PCDH15: variants seen among roughly 807,000 people sequenced by gnomAD.
PCDH15 encodes protocadherin-15.
A neutral mutation model predicts 178.5 loss-of-function variants in PCDH15; 129 were observed. That is an observed-to-expected ratio of 0.72 (90% CI 0.63 to 0.84). PCDH15 has a LOEUF of 0.84. Ranked by LOEUF, PCDH15 falls within the 40% of genes least tolerant of loss-of-function variation. PCDH15 has a pLI of 0.00. For synonymous variants in PCDH15, 800 were observed against 732.0 expected (o/e 1.09, Z -1.50); for missense variants, 2,230 against 2,099.9 (o/e 1.06, Z -1.21).
At chr10:54,607,288 T>C (rs2092784237) in intron 2 of PCDH15, among the ~76,000 whole-genome samples, 1 of 152,064 alleles carries the variant, frequency 6.6e-6, no homozygotes, top group Admixed American at 6.6e-5. Context: ...TTATGTGCAA[T>C]AAATGTGGTA....
At chr10:54,967,552 G>A (rs975318411) in intron 2 of PCDH15, among the ~76,000 whole-genome samples, 1 of 152,076 alleles carries the variant, frequency 6.6e-6, no homozygotes, top group African/African-American at 2.4e-5. Flanking sequence ...TTACACTTGT[G>A]TAGAAATATC....
chr10:54,427,318 G>T (rs190836697), intron 3 of PCDH15, among the ~76,000 whole-genome samples: 940 of 92,038 alleles, frequency 0.01, 8 homozygotes, highest in Middle Eastern at 0.059. Flanking sequence ...CGCTCTTGTT[G>T]CCCAGGCTGG....
At chr10:54,390,383 C>G (rs1950408654) in intron 3 of PCDH15, among the ~76,000 whole-genome samples, 1 of 152,098 alleles carries the variant, frequency 6.6e-6, no homozygotes, top group African/African-American at 2.4e-5. Context: ...ACCTCTGCCT[C>G]TGGGGTTCAC....
At chr10:55,501,755 T>G (rs1320254722) in intron 2 of PCDH15, among the ~76,000 whole-genome samples, 2 of 151,704 alleles carry the variant, frequency 1.3e-5, no homozygotes, top group Non-Finnish European at 2.9e-5. Flanking sequence ...AGAATCTCAG[T>G]GAAGAGGCAT....
At chr10:55,421,959 A>C (rs1289666725) in intron 2 of PCDH15, among the ~76,000 whole-genome samples, 2 of 151,752 alleles carry the variant, frequency 1.3e-5, no homozygotes, top group Non-Finnish European at 3.0e-5. Context: ...AGATTTTATA[A>C]TGCCTTTATC....
intron 1 of PCDH15, among the ~76,000 whole-genome samples, chr10:55,314,199 G>GTA (rs34097929): frequency 0.094 from 13,371 of 142,646 alleles, 1,114 homozygotes; most frequent in African/African-American, 0.23. Flanking sequence ...ATGTTTGTGT[G>GTA]TATATATATA....
chr10:55,049,848 A>G (rs1200577502), intron 2 of PCDH15, among the ~76,000 whole-genome samples: 1 of 152,100 alleles, frequency 6.6e-6, no homozygotes, highest in African/African-American at 2.4e-5. Context: ...CCAGCAGAAG[A>G]TCTGCTGACA....
chr10:54,661,408 G>A (rs1254356271), intron 2 of PCDH15, among the ~76,000 whole-genome samples: 1 of 151,784 alleles, frequency 6.6e-6, no homozygotes, highest in Non-Finnish European at 1.5e-5. Context: ...CTACATGACA[G>A]AAGCAAGTGG....
At chr10:55,107,104 T>A (rs113588292) in intron 2 of PCDH15, among the ~76,000 whole-genome samples, 39 of 152,376 alleles carry the variant, frequency 2.6e-4, no homozygotes, top group African/African-American at 8.4e-4. Context: ...ATATTTAAAG[T>A]CCACCTCTTG....
intron 2 of PCDH15, among the ~76,000 whole-genome samples, chr10:55,011,571 T>C (rs1423801816): frequency 6.6e-6 from 1 of 152,092 alleles, no homozygotes; most frequent in Non-Finnish European, 1.5e-5. Flanking sequence ...ATACTTTAAA[T>C]TATTCATGGT....
intron 1 of PCDH15, among the ~76,000 whole-genome samples, chr10:55,220,367 TA>T (rs759692935): frequency 9.9e-5 from 15 of 152,068 alleles, no homozygotes; most frequent in Non-Finnish European, 1.9e-4. Flanking sequence ...TACAGGAATC[TA>T]ACTTGTCATT....
chr10:54,263,988 T>C (rs1416691401), intron 8 of PCDH15, among the ~76,000 whole-genome samples: 3 of 152,116 alleles, frequency 2.0e-5, no homozygotes, highest in Non-Finnish European at 2.9e-5. Context: ...TATCCCATGC[T>C]GGATGCTTCC....
At chr10:54,513,013 C>T (rs2081863271) in intron 3 of PCDH15, among the ~76,000 whole-genome samples, 1 of 151,870 alleles carries the variant, frequency 6.6e-6, no homozygotes. Context: ...ATGAAATTAT[C>T]TAATACCCCT....
At chr10:54,731,469 T>C (rs1003222525) in intron 1 of PCDH15, among the ~76,000 whole-genome samples, 1 of 148,462 alleles carries the variant, frequency 6.7e-6, no homozygotes, top group African/African-American at 2.5e-5. Context: ...CCCATGTTTA[T>C]TGCAGCACTA....
At chr10:54,883,340 T>C (rs1360701481) in intron 3 of PCDH15, among the ~76,000 whole-genome samples, 1 of 152,086 alleles carries the variant, frequency 6.6e-6, no homozygotes. Flanking sequence ...ATACATTGTA[T>C]GGCTTTCCAA....
chr10:55,147,989 A>G (rs1219161385), intron 2 of PCDH15, among the ~76,000 whole-genome samples: 1 of 151,626 alleles, frequency 6.6e-6, no homozygotes, highest in Non-Finnish European at 1.5e-5. Context: ...AAAAGGGGGG[A>G]AAATACCCTT....
At chr10:54,441,726 G>A (rs530512846) in intron 3 of PCDH15, among the ~76,000 whole-genome samples, 5 of 151,802 alleles carry the variant, frequency 3.3e-5, no homozygotes, top group Non-Finnish European at 7.4e-5. Flanking sequence ...TCTTCTTAAC[G>A]TGTATTTATT....
intron 2 of PCDH15, among the ~76,000 whole-genome samples, chr10:55,349,185 T>C (rs917173924): frequency 6.6e-6 from 1 of 152,110 alleles, no homozygotes; most frequent in African/African-American, 2.4e-5. Flanking sequence ...GAGACTTATA[T>C]TGTGCTAGAT....
At chr10:54,137,530 C>A (rs762521436) in intron 14 of PCDH15, among the ~76,000 whole-genome samples, 2 of 152,104 alleles carry the variant, frequency 1.3e-5, no homozygotes, top group Non-Finnish European at 2.9e-5. Context: ...CAGGAAACAA[C>A]CTTCAGGCCT....
Sources: allele counts gnomAD v4.1 joint callset (sites outside exome capture counted in the v4.1 genomes callset), GRCh38; gene constraint gnomAD v4.1.1; transcripts MANE v1.5; gene names NCBI Gene and HGNC (gene_info 2026-07-23, HGNC 2026-07-21).